Variants in PRKCB observed in about 807,000 individuals in gnomAD.
PRKCB encodes the protein protein kinase C beta type.
A neutral mutation model predicts 81.5 loss-of-function variants in PRKCB; 13 were observed. That is an observed-to-expected ratio of 0.16 (90% CI 0.10 to 0.25). PRKCB has a LOEUF of 0.25. Among genes scored for constraint, PRKCB ranks in the 10% least tolerant of loss-of-function variants. The probability of loss-of-function intolerance (pLI) is 1.00; values close to 1 mark genes in which losing one functional copy is unlikely to be tolerated. For missense variants in PRKCB, 509 were observed against 875.7 expected (o/e 0.58, Z 5.29); for synonymous variants, 335 against 321.4 (o/e 1.04, Z -0.45).
rs1968270250 is a variant in PRKCB at position 24,218,607 on chromosome 16, G to A, written c.*3791G>A. 3.0e-6 allele frequency: 3 copies of A among 985,188 alleles called. No homozygotes were observed. Among genetic ancestry groups the A allele is most frequent in the South Asian group, 4.7e-5 (1 of 21,286 alleles). 61.0% of individuals were successfully genotyped at this position (985,188 alleles called of 1,614,324 possible). ...CAGGGGAGCAGCCACAAAGAAGCAA[G>A]TCTTGTAAAAGGTCTTTTGCAAAGG... On this transcript the variant is annotated 3_prime_UTR_variant, in exon 17 of 17. Coordinates refer to ENST00000643927, the MANE Select transcript of PRKCB (RefSeq NM_002738.7).
intron 2 of PRKCB, among the ~76,000 whole-genome samples, chr16:23,982,123 C>T (rs867822844): frequency 0.074 from 2,392 of 32,356 alleles, 2 homozygotes; most frequent in South Asian, 0.11. Context: ...TTTCCCTTCC[C>T]CTTCCCTTCC....
chr16:24,033,577 C>G (rs927797984), intron 4 of PRKCB, among the ~76,000 whole-genome samples: 1 of 151,952 alleles, frequency 6.6e-6, no homozygotes, highest in Non-Finnish European at 1.5e-5. Flanking sequence ...GCTTGGCCAA[C>G]GTGGCAAAAC....
intron 2 of PRKCB, among the ~76,000 whole-genome samples, chr16:23,877,468 A>G (rs1037118770): frequency 6.6e-6 from 1 of 152,172 alleles, no homozygotes; most frequent in Non-Finnish European, 1.5e-5. Flanking sequence ...TGACCCCTCT[A>G]CAATCCCATA....
At chr16:23,909,282 G>A (rs529409389) in intron 2 of PRKCB, among the ~76,000 whole-genome samples, 1 of 152,218 alleles carries the variant, frequency 6.6e-6, no homozygotes, top group Admixed American at 6.5e-5. Flanking sequence ...TATCACAAGT[G>A]CTTTCATTTG....
At chr16:24,044,866 A>C (rs958095983) in intron 5 of PRKCB, among the ~76,000 whole-genome samples, 12 of 152,362 alleles carry the variant, frequency 7.9e-5, no homozygotes, top group African/African-American at 2.9e-4. Flanking sequence ...AAATATATTT[A>C]GTATGATCTC....
At chr16:23,979,375 C>T (rs144930164) in intron 2 of PRKCB, among the ~76,000 whole-genome samples, 3 of 152,000 alleles carry the variant, frequency 2.0e-5, no homozygotes, top group Non-Finnish European at 4.4e-5. Context: ...GGCATTCACA[C>T]GTAAAATCTC....
chr16:23,836,040 A>T lies in PRKCB; in HGVS notation c.-136A>T, dbSNP rs1597200893. Reference sequence around the variant, plus strand: ...CCCGGCTCCGCGCGCCGCGGCCGCCAGAGCCGGCGCAGGGGAAGCGCCCGC... The same window carrying T: ...CCCGGCTCCGCGCGCCGCGGCCGCCTGAGCCGGCGCAGGGGAAGCGCCCGC... On this transcript the variant is annotated 5_prime_UTR_variant, in exon 1 of 17. Transcript: ENST00000643927. 2.0e-6 allele frequency: 1 copy of T among 512,198 alleles called. No homozygotes were observed. The highest frequency in any genetic ancestry group is 2.5e-6 in the Non-Finnish European group (1 of 398,966). 31.7% of individuals were successfully genotyped at this position (512,198 alleles called of 1,614,324 possible).
At chr16:23,842,237 C>T (rs1181693443) in intron 2 of PRKCB, among the ~76,000 whole-genome samples, 2 of 152,090 alleles carry the variant, frequency 1.3e-5, no homozygotes, top group Non-Finnish European at 2.9e-5. Flanking sequence ...GCAAGTCGTC[C>T]CCCAGCAGCA....
At chr16:24,083,026 C>T (rs949728208) in intron 5 of PRKCB, among the ~76,000 whole-genome samples, 1 of 152,094 alleles carries the variant, frequency 6.6e-6, no homozygotes, top group Non-Finnish European at 1.5e-5. Flanking sequence ...ATCTAAAAAC[C>T]TGAACAAACA....
chr16:24,157,433 G>A (rs904264243), intron 10 of PRKCB, among the ~76,000 whole-genome samples: 4 of 151,928 alleles, frequency 2.6e-5, no homozygotes, highest in African/African-American at 9.7e-5. Context: ...GGTTTAAGAG[G>A]GACTTTTACC....
At chr16:24,205,145 C>CTTTT (rs71154289) in intron 16 of PRKCB, among the ~76,000 whole-genome samples, 1 of 115,678 alleles carries the variant, frequency 8.6e-6, no homozygotes, top group African/African-American at 3.2e-5. Flanking sequence ...ATTATAATTC[C>CTTTT]TTTTTTTTTT....
At chr16:24,176,420 A>C (rs1221328324) in intron 12 of PRKCB, among the ~76,000 whole-genome samples, 1 of 152,218 alleles carries the variant, frequency 6.6e-6, no homozygotes, top group African/African-American at 2.4e-5. Context: ...CTCTAAAAAA[A>C]GAAGAATTTA....
At position 23,980,798 on chromosome 16, in the gene PRKCB, A is replaced by AATATAT. The variant is rs143162594; in HGVS notation, c.206-7699_206-7694dup. Among the ~76,000 whole-genome samples, 640 of 148,798 alleles carry AATATAT rather than the reference A, an allele frequency of 4.3e-3. 5 individuals are homozygous for AATATAT. The highest frequency in any genetic ancestry group is 0.015 in the African/African-American group (614 of 39,864). Reference sequence around the variant, plus strand: ...CAAGAGGGGAATCGACTCCAAACAGAATATATATATATATATGATTTAATT... The same window carrying AATATAT: ...CAAGAGGGGAATCGACTCCAAACAGAATATATATATATATATATATATGATTTAATT... On this transcript the variant is annotated intron_variant, in intron 2 of 16. Transcript: ENST00000643927.
chr16:24,061,215 C>T (rs1965969157), intron 5 of PRKCB, among the ~76,000 whole-genome samples: 1 of 152,220 alleles, frequency 6.6e-6, no homozygotes, highest in Admixed American at 6.5e-5. Flanking sequence ...TGTGCATCAC[C>T]ACACCCAGCT....
intron 2 of PRKCB, among the ~76,000 whole-genome samples, chr16:23,873,189 CAAA>C (rs1044352544): frequency 0.043 from 2,903 of 67,670 alleles, 53 homozygotes; most frequent in South Asian, 0.09. Flanking sequence ...CACACACACA[CAAA>C]AAAAAAAAAA....
chr16:24,010,981 C>T (rs1257916644), intron 3 of PRKCB, among the ~76,000 whole-genome samples: 1 of 152,160 alleles, frequency 6.6e-6, no homozygotes, highest in Non-Finnish European at 1.5e-5. Context: ...CCTCCTGCCT[C>T]AGTCTCCCAA....
At chr16:24,138,935 C>G (rs1239709709) in intron 9 of PRKCB, among the ~76,000 whole-genome samples, 3 of 149,430 alleles carry the variant, frequency 2.0e-5, no homozygotes. Context: ...TCACTGCAAC[C>G]TCACCTCCCA....
At chr16:24,133,144 A>G (rs1030078825) in intron 9 of PRKCB, among the ~76,000 whole-genome samples, 3 of 152,106 alleles carry the variant, frequency 2.0e-5, no homozygotes, top group Non-Finnish European at 4.4e-5. Flanking sequence ...TTGGGAGGCC[A>G]AGGCAGGAGG....
chr16:23,935,448 T>C (rs1964045297), intron 2 of PRKCB, among the ~76,000 whole-genome samples: 1 of 152,182 alleles, frequency 6.6e-6, no homozygotes, highest in African/African-American at 2.4e-5. Flanking sequence ...TTCTCACTAA[T>C]GGGCATGCTT....
Sources: gnomAD v4.1 joint callset for allele counts (sites outside exome capture counted in the v4.1 genomes callset) on GRCh38, gnomAD v4.1.1 for gene constraint, MANE v1.5 for transcripts, NCBI Gene and HGNC (gene_info 2026-07-23, HGNC 2026-07-21) for gene names.